Variants in ABHD3 observed in about 807,000 individuals in gnomAD.
ABHD3 encodes abhydrolase domain containing 3, phospholipase, also known as phospholipase ABHD3.
In ABHD3, 46 loss-of-function variants were observed where a neutral mutation model predicts 48.8. That is an observed-to-expected ratio of 0.94 (90% CI 0.74 to 1.20). The LOEUF (loss-of-function observed/expected upper bound fraction) is 1.20, where lower values mean the gene tolerates loss of function less well. Among genes scored for constraint, ABHD3 ranks in the 50% most tolerant of loss-of-function variants. ABHD3 has a pLI of 0.00. For missense variants in ABHD3, 490 were observed against 497.8 expected (o/e 0.98, Z 0.15); for synonymous variants, 192 against 183.7 (o/e 1.04, Z -0.36).
chr18:21,684,942 C>T (rs2040097900), intron 3 of ABHD3, among the ~76,000 whole-genome samples: 1 of 152,148 alleles, frequency 6.6e-6, no homozygotes, highest in Non-Finnish European at 1.5e-5. Flanking sequence ...GGGTTTAGAT[C>T]AATGTTGGCT....
chr18:21,701,473 G>A (rs1481479585), intron 3 of ABHD3: 2 of 152,002 alleles, frequency 1.3e-5, no homozygotes, highest in Non-Finnish European at 2.9e-5. Flanking sequence ...CAAAGTGCTG[G>A]GATTACAGGC....
At chr18:21,691,482 A>G (rs190720277) in intron 3 of ABHD3, among the ~76,000 whole-genome samples, 2 of 152,336 alleles carry the variant, frequency 1.3e-5, no homozygotes, top group Admixed American at 1.3e-4. Context: ...CAAGCTTACT[A>G]AGGTCATAAA....
chr18:21,673,030 G>C (rs1047252283), intron 4 of ABHD3, among the ~76,000 whole-genome samples: 1 of 152,152 alleles, frequency 6.6e-6, no homozygotes, highest in Non-Finnish European at 1.5e-5. Context: ...GGTTATACAA[G>C]CTACACCAAT....
intron 4 of ABHD3, among the ~76,000 whole-genome samples, chr18:21,681,674 C>A (rs929158391): frequency 2.4e-4 from 36 of 152,156 alleles, no homozygotes; most frequent in African/African-American, 6.8e-4. Context: ...GTGATTCTGG[C>A]CCTACCCTTC....
intron 5 of ABHD3, chr18:21,663,677 C>G (rs764970704): frequency 3.5e-5 from 53 of 1,535,266 alleles, no homozygotes; most frequent in Non-Finnish European, 4.4e-5. Flanking sequence ...CAAAATACCA[C>G]CTGGGGAAAA....
chr18:21,666,471 T>A (rs11660772), intron 4 of ABHD3, among the ~76,000 whole-genome samples: 10 of 151,754 alleles, frequency 6.6e-5, no homozygotes, highest in Non-Finnish European at 1.5e-4. Context: ...GGATTACAGG[T>A]GTGAGCCACC....
At chr18:21,664,475 G>A (rs553885195) in intron 4 of ABHD3, 8 of 420,120 alleles carry the variant, frequency 1.9e-5, no homozygotes, top group Non-Finnish European at 3.0e-5. Flanking sequence ...GCTTGATGCA[G>A]ATGGGGCAAG....
intron 6 of ABHD3, among the ~76,000 whole-genome samples, chr18:21,658,881 C>T (rs2959515): frequency 6.0e-5 from 9 of 150,726 alleles, no homozygotes; most frequent in African/African-American, 9.8e-5. Flanking sequence ...CTCTGTCACC[C>T]GGGCTGGAGT....
At chr18:21,694,707 G>C (rs1202118983) in intron 3 of ABHD3, among the ~76,000 whole-genome samples, 1 of 151,994 alleles carries the variant, frequency 6.6e-6, no homozygotes, top group Non-Finnish European at 1.5e-5. Context: ...CAAACTCATC[G>C]AATGGGTGAT....
intron 5 of ABHD3, chr18:21,663,850 C>A: frequency 6.6e-7 from 1 of 1,505,756 alleles, no homozygotes; most frequent in South Asian, 1.3e-5. Flanking sequence ...GTGAGTGATG[C>A]AATCGACTTC....
At chr18:21,680,082 T>C (rs1420605595) in intron 4 of ABHD3, among the ~76,000 whole-genome samples, 1 of 152,040 alleles carries the variant, frequency 6.6e-6, no homozygotes, top group Non-Finnish European at 1.5e-5. Flanking sequence ...GATGCCATCT[T>C]GGCTCACTGC....
chr18:21,692,223 T>C (rs989729021), intron 3 of ABHD3, among the ~76,000 whole-genome samples: 3 of 152,234 alleles, frequency 2.0e-5, no homozygotes, highest in Admixed American at 2.0e-4. Flanking sequence ...GTGCTGGGAT[T>C]ATAGGCGTGA....
chr18:21,700,952 CAAA>C (rs34993965), intron 3 of ABHD3, among the ~76,000 whole-genome samples: 182 of 81,658 alleles, frequency 2.2e-3, no homozygotes, highest in African/African-American at 7.6e-3. Context: ...GATTTGGCCT[CAAA>C]AAAAAAAAAA....
intron 4 of ABHD3, 120 bp downstream of exon 4, chr18:21,683,797 TATA>T: frequency 1.0e-6 from 1 of 955,146 alleles, no homozygotes; most frequent in Non-Finnish European, 1.5e-6. Context: ...TGTATTTTTG[TATA>T]ATAAATTTGT....
At chr18:21,659,079 TC>T in intron 6 of ABHD3, 90 bp downstream of exon 6, 5 of 1,311,662 alleles carry the variant, frequency 3.8e-6, no homozygotes, top group Admixed American at 2.4e-5. Context: ...GACCTCGTGA[TC>T]CCCCCGCCTC....
chr18:21,664,191 C>G lies in ABHD3; in HGVS notation c.595G>C (p.Glu199Gln). Reference sequence around the variant, plus strand: ...CTGTGTACATGGTGAATAACTGTCTCCAAGTCTTCAGTGTTAGCACAACAA... The same window carrying G: ...CTGTGTACATGGTGAATAACTGTCTGCAAGTCTTCAGTGTTAGCACAACAA... ...TYCCANTEDL[E>Q]TVIHHVHSLY... The change falls in exon 5 of 9, where the codon GAG becomes CAG. Residue 199 changes from glutamate (E) to glutamine (Q), a missense_variant. Physicochemically the swap from Glu to Gln is conservative, Grantham distance 29. Transcript: ENST00000289119. 1 of 1,614,008 alleles carries G rather than the reference C, an allele frequency of 6.2e-7. No individual in the cohort carries two copies. The highest frequency in any genetic ancestry group is 1.7e-4 in the Middle Eastern group (1 of 6,060).
At chr18:21,659,368 T>C in intron 5 of ABHD3, 25 bp from the exon 6 acceptor site, 1 of 1,592,312 alleles carries the variant, frequency 6.3e-7, no homozygotes, top group South Asian at 1.1e-5. Flanking sequence ...AACAGGAAAC[T>C]CAGTGATTAA....
chr18:21,690,544 G>A (rs2040227872), intron 3 of ABHD3, among the ~76,000 whole-genome samples: 1 of 152,198 alleles, frequency 6.6e-6, no homozygotes, highest in African/African-American at 2.4e-5. Flanking sequence ...GGAGCTTGCA[G>A]TGAGTCGAGA....
intron 8 of ABHD3, among the ~76,000 whole-genome samples, chr18:21,654,143 C>T (rs1448810954): frequency 1.3e-5 from 2 of 152,042 alleles, no homozygotes; most frequent in South Asian, 2.1e-4. Flanking sequence ...TGAGCCACTT[C>T]GCTCGGCCTG....
Sources: allele counts gnomAD v4.1 joint callset (sites outside exome capture counted in the v4.1 genomes callset), GRCh38; gene constraint gnomAD v4.1.1; transcripts MANE v1.5; gene names NCBI Gene and HGNC (gene_info 2026-07-23, HGNC 2026-07-21).